Variants in NCLN observed in about 807,000 individuals in gnomAD.
NCLN encodes BOS complex subunit NCLN.
Under a neutral mutation model 69.5 loss-of-function variants are expected in NCLN, and 34 were observed. That is an observed-to-expected ratio of 0.49 (90% CI 0.37 to 0.65). The LOEUF (loss-of-function observed/expected upper bound fraction) is 0.65. Ranked by LOEUF, NCLN falls within the 30% of genes least tolerant of loss-of-function variation. The probability of loss-of-function intolerance (pLI) is 0.00; values close to 1 mark genes in which losing one functional copy is unlikely to be tolerated. For synonymous variants in NCLN, 393 were observed against 358.3 expected (o/e 1.10, Z -1.09); for missense variants, 710 against 804.8 (o/e 0.88, Z 1.42).
chr19:3,186,230 C>A lies in NCLN; in HGVS notation c.184+16C>A. On this transcript the variant is annotated intron_variant, in intron 1 of 14. Coordinates refer to ENST00000246117, the MANE Select transcript of NCLN (RefSeq NM_020170.4). ...CAGCCCTACGGTGCGTGTCCCCGGC[C>A]CACCCTCGGGGCTCCCCGGGCTCCC... 1 of 1,485,226 alleles carries A rather than the reference C, an allele frequency of 6.7e-7. No homozygotes were observed. Among genetic ancestry groups the A allele is most frequent in the Non-Finnish European group, 8.9e-7 (1 of 1,119,070 alleles). The allele number at this position is 1,485,226 out of a possible 1,614,324, so 92.0% of individuals were successfully genotyped here. A position where few individuals can be genotyped will look rare whatever the true frequency, so the allele number is the denominator to read the frequency against.
Position 3,209,000 on chromosome 19 carries a change from G to T in NCLN, c.*1312G>T, listed in dbSNP as rs1480825746. On this transcript the variant is annotated 3_prime_UTR_variant, in exon 15 of 15. Coordinates refer to ENST00000246117, the MANE Select transcript of NCLN (RefSeq NM_020170.4). ...CAGTGCGTGCCGAGCAGGCTTGGTG[G>T]GGAAGGGACTTGAGCTGGGCAAGTC... The T allele has an allele frequency of 6.6e-6, 1 of 152,330 alleles. No homozygotes were observed. Among genetic ancestry groups the T allele is most frequent in the African/African-American group, 2.4e-5 (1 of 41,462 alleles). The allele number at this position is 152,330 out of a possible 1,614,324, so 9.4% of individuals were successfully genotyped here.
chr19:3,186,513 C>T (rs1046843403), intron 1 of NCLN, among the ~76,000 whole-genome samples: 1 of 152,306 alleles, frequency 6.6e-6, no homozygotes, highest in South Asian at 2.1e-4. Context: ...GCCCTAAGTC[C>T]CCTCTCTCCT....
chr19:3,186,019 C>G lies in NCLN; in HGVS notation c.-12C>G. 4 of 1,540,046 alleles carry G rather than the reference C, an allele frequency of 2.6e-6. No homozygotes were observed. Among genetic ancestry groups the G allele is most frequent in the South Asian group, 1.2e-5 (1 of 83,196 alleles). The stretch of plus-strand genomic sequence containing the variant: ...CCAGCTGCCGCCCCGCGCGGCCCCG[C>G]CGCCGGCCAGGATGCTGGAGGAAGC... On this transcript the variant is annotated 5_prime_UTR_variant, in exon 1 of 15. Transcript: ENST00000246117.
intron 1 of NCLN, among the ~76,000 whole-genome samples, chr19:3,189,381 G>A (rs910684064): frequency 1.7e-4 from 26 of 152,260 alleles, no homozygotes; most frequent in African/African-American, 5.8e-4. Context: ...CTCTCTGCCT[G>A]TTGTTGTTAA....
intron 6 of NCLN, among the ~76,000 whole-genome samples, chr19:3,203,397 C>G (rs1046263490): frequency 1.1e-4 from 17 of 152,170 alleles, no homozygotes; most frequent in Admixed American, 2.0e-4. Flanking sequence ...GTCGGTCACC[C>G]CGGTTCCTCC....
At chr19:3,199,753 T>C (rs1214518658) in intron 5 of NCLN, among the ~76,000 whole-genome samples, 1 of 137,246 alleles carries the variant, frequency 7.3e-6, no homozygotes, top group Non-Finnish European at 1.5e-5. Flanking sequence ...CAGGCTGGAG[T>C]GCAGTGGCAC....
chr19:3,207,787 A>G lies in NCLN; in HGVS notation c.*99A>G. The G allele has an allele frequency of 1.0e-6, 1 of 1,004,652 alleles. No individual in the cohort carries two copies. The highest frequency in any genetic ancestry group is 1.5e-6 in the Non-Finnish European group (1 of 645,892). 62.2% of individuals were successfully genotyped at this position (1,004,652 alleles called of 1,614,324 possible). A position where few individuals can be genotyped will look rare whatever the true frequency, so the allele number is the denominator to read the frequency against. On this transcript the variant is annotated 3_prime_UTR_variant, in exon 15 of 15. Coordinates refer to ENST00000246117, the MANE Select transcript of NCLN (RefSeq NM_020170.4). Reference sequence around the variant, plus strand: ...CCCCGCCGCGGGCGGCCCTGCAGGGACAGGGGCCCTCTCCCTCCCCGGCGG... The same window carrying G: ...CCCCGCCGCGGGCGGCCCTGCAGGGGCAGGGGCCCTCTCCCTCCCCGGCGG...
At chr19:3,194,912 G>A (rs1477319749) in intron 3 of NCLN, among the ~76,000 whole-genome samples, 2 of 151,950 alleles carry the variant, frequency 1.3e-5, no homozygotes, top group African/African-American at 4.8e-5. Flanking sequence ...GGTGGCTCAC[G>A]CCTGTTGTCC....
At chr19:3,206,487 T>C in intron 12 of NCLN, 62 bp downstream of exon 12, 1 of 1,488,444 alleles carries the variant, frequency 6.7e-7, no homozygotes, top group Non-Finnish European at 9.0e-7. Flanking sequence ...CTCCCCCTAC[T>C]GCATCTCCCA....
Position 3,198,714 on chromosome 19 carries a change from C to T in NCLN, c.616-103C>T, listed in dbSNP as rs553054995. ...TGCTGAGGCCGATGCTGGCACCCAG[C>T]GGACGGGCCCCACGTGGCCCAGAGG... On this transcript the variant is annotated intron_variant, in intron 4 of 14. Transcript: ENST00000246117. The T allele has an allele frequency of 1.3e-3, 1,140 of 847,310 alleles. 14 individuals are homozygous for T. The highest frequency in any genetic ancestry group is 8.5e-3 in the South Asian group (475 of 56,156). The allele number at this position is 847,310 out of a possible 1,614,324, so 52.5% of individuals were successfully genotyped here.
In NCLN at chr19:3,193,409, C is replaced by G. The variant is rs199745140; in HGVS notation, c.501C>G (p.Gly167=). The change falls in exon 3 of 15, where the codon GGC becomes GGG. Residue 167 remains glycine (G), a synonymous_variant. Transcript: ENST00000246117. ...KQTQAASASQ[G]SASAAEVLLR... is the part of the protein sequence containing the mutation. ...CCCAGGCTGCCTCCGCCTCCCAGGG[C>G]TCCGCCTCTGCTGCTGAAGGTGTGC... 6.2e-7 allele frequency: 1 copy of G among 1,606,924 alleles called. No homozygotes were observed. Among genetic ancestry groups the G allele is most frequent in the Admixed American group, 1.7e-5 (1 of 59,888 alleles).
At chr19:3,206,531 A>G (rs1916277717) in intron 12 of NCLN, 106 bp downstream of exon 12, 1 of 1,368,786 alleles carries the variant, frequency 7.3e-7, no homozygotes, top group Non-Finnish European at 9.7e-7. Flanking sequence ...AGGTGGAGCA[A>G]ATACAAAGAG....
intron 2 of NCLN, among the ~76,000 whole-genome samples, chr19:3,192,866 C>T (rs1463531386): frequency 1.3e-5 from 2 of 152,178 alleles, no homozygotes; most frequent in African/African-American, 2.4e-5. Context: ...GGGAGGGCCG[C>T]TCCGGGCGTG....
chr19:3,200,549 A>G (rs371886878), intron 5 of NCLN, among the ~76,000 whole-genome samples: 15 of 151,812 alleles, frequency 9.9e-5, no homozygotes, highest in Admixed American at 4.6e-4. Flanking sequence ...AGACCTTGTA[A>G]TCTGCCCATC....
At chr19:3,192,242 G>A (rs965662046) in intron 1 of NCLN, among the ~76,000 whole-genome samples, 3 of 152,322 alleles carry the variant, frequency 2.0e-5, no homozygotes, top group East Asian at 1.9e-4. Flanking sequence ...CAGGGTTCGC[G>A]TGGCACTGAG....
chr19:3,200,131 G>T (rs938490450), intron 5 of NCLN, among the ~76,000 whole-genome samples: 3 of 151,888 alleles, frequency 2.0e-5, no homozygotes, highest in Admixed American at 6.6e-5. Context: ...GTCCCGCTGG[G>T]CCCACACAAA....
intron 7 of NCLN, 64 bp downstream of exon 7, chr19:3,203,908 C>T (rs932680913): frequency 2.5e-6 from 4 of 1,580,210 alleles, no homozygotes; most frequent in Non-Finnish European, 8.6e-7. Context: ...GCACGGAGGC[C>T]CAGGGGTTGC....
At chr19:3,198,940 G>T in intron 5 of NCLN, 43 bp downstream of exon 5, 1 of 1,357,938 alleles carries the variant, frequency 7.4e-7, no homozygotes, top group African/African-American at 1.5e-5. Context: ...ACAGGGCTTG[G>T]ATTCTGGCTC....
rs762171360 is a variant in NCLN, at chr19:3,204,095, C to T, written c.980C>T (p.Pro327Leu). The change falls in exon 8 of 15, where the codon CCG (proline) becomes CTG (leucine). Residue 327 changes from proline (P) to leucine (L), a missense_variant. Coordinates refer to ENST00000246117, the MANE Select transcript of NCLN (RefSeq NM_020170.4). ...GSSLHLHVSK[P>L]PREGTLQHAF... ...AGCCTGCACCTGCACGTGTCCAAGC[C>T]GCCTCGGGAGGGCACCCTGCAGCAC... The T allele has an allele frequency of 5.9e-6, 9 of 1,532,938 alleles. No homozygotes were observed. The highest frequency in any genetic ancestry group is 2.3e-5 in the East Asian group (1 of 43,842). 95.0% of individuals were successfully genotyped at this position (1,532,938 alleles called of 1,614,324 possible). A position where few individuals can be genotyped will look rare whatever the true frequency, so the allele number is the denominator to read the frequency against.
Sources: gnomAD v4.1 joint callset for allele counts (sites outside exome capture counted in the v4.1 genomes callset) on GRCh38, gnomAD v4.1.1 for gene constraint, MANE v1.5 for transcripts, NCBI Gene and HGNC (gene_info 2026-07-23, HGNC 2026-07-21) for gene names.